FMNL2: variants seen among roughly 807,000 people sequenced by gnomAD.
FMNL2 encodes formin like 2, also known as formin-like protein 2.
A neutral mutation model predicts 130.2 loss-of-function variants in FMNL2; 51 were observed. The ratio of observed to expected loss-of-function variants is 0.39; its 90% confidence interval spans 0.31 to 0.49. The LOEUF is 0.49. FMNL2 is among the 20% of genes least tolerant of loss of function. The pLI is 0.85. For synonymous variants in FMNL2, 465 were observed against 467.1 expected (o/e 1.00, Z 0.06); for missense variants, 977 against 1,316.2 (o/e 0.74, Z 3.99).
At chr2:152,576,429 T>C (rs1696485188) in intron 7 of FMNL2, among the ~76,000 whole-genome samples, 1 of 152,220 alleles carries the variant, frequency 6.6e-6, no homozygotes, top group Non-Finnish European at 1.5e-5. Flanking sequence ...AATGCTTACA[T>C]GTTACACTTT....
At chr2:152,595,966 T>G (rs940582220) in intron 9 of FMNL2, among the ~76,000 whole-genome samples, 21 of 150,304 alleles carry the variant, frequency 1.4e-4, no homozygotes, top group Non-Finnish European at 2.7e-4. Context: ...GGAAGTCTTT[T>G]TTTTTTTTTT....
intron 7 of FMNL2, among the ~76,000 whole-genome samples, chr2:152,577,938 T>C (rs539572067): frequency 9.9e-5 from 15 of 152,264 alleles, no homozygotes; most frequent in East Asian, 7.7e-4. Context: ...GAGGTTTTTA[T>C]TGTTACTTAA....
chr2:152,354,074 A>ATC (rs1474054256), intron 1 of FMNL2, among the ~76,000 whole-genome samples: 1 of 152,202 alleles, frequency 6.6e-6, no homozygotes, highest in Admixed American at 6.6e-5. Context: ...CTTTCTAGAA[A>ATC]AAGAGACCCA....
At chr2:152,614,457 T>C (rs1698840437) in intron 11 of FMNL2, among the ~76,000 whole-genome samples, 1 of 152,122 alleles carries the variant, frequency 6.6e-6, no homozygotes, top group Admixed American at 6.5e-5. Context: ...AGAAAACACA[T>C]AGACTGGCTG....
chr2:152,401,242 T>C (rs13010632), intron 1 of FMNL2, among the ~76,000 whole-genome samples: 31,767 of 152,228 alleles, frequency 0.21, 3,445 homozygotes, highest in Middle Eastern at 0.34. Context: ...GAAGTCCCTA[T>C]GTAGTTCTTC....
intron 1 of FMNL2, among the ~76,000 whole-genome samples, chr2:152,400,600 C>T (rs944141904): frequency 6.6e-6 from 1 of 152,146 alleles, no homozygotes; most frequent in Non-Finnish European, 1.5e-5. Flanking sequence ...ATATTTCTAC[C>T]TACCTGTTTT....
intron 1 of FMNL2, among the ~76,000 whole-genome samples, chr2:152,344,187 T>C (rs1681976367): frequency 1.3e-5 from 2 of 152,130 alleles, no homozygotes; most frequent in African/African-American, 4.8e-5. Context: ...AACCCACAAA[T>C]GCCTGGGTTC....
chr2:152,448,216 A>C (rs56117902), intron 1 of FMNL2, among the ~76,000 whole-genome samples: 60,426 of 151,602 alleles, frequency 0.4, 14,390 homozygotes, highest in Non-Finnish European at 0.55. Context: ...AAAAAAAAAA[A>C]ACACATAATA....
intron 8 of FMNL2, among the ~76,000 whole-genome samples, chr2:152,580,049 C>A (rs759795589): frequency 1.3e-5 from 2 of 152,236 alleles, no homozygotes; most frequent in Non-Finnish European, 2.9e-5. Flanking sequence ...CCTGATTAAA[C>A]CTTTTGCGAC....
chr2:152,594,886 AG>A (rs1405054460), intron 9 of FMNL2, among the ~76,000 whole-genome samples: 4 of 152,304 alleles, frequency 2.6e-5, no homozygotes, highest in Non-Finnish European at 2.9e-5. Context: ...CACACTCACT[AG>A]AAGAAAATAG....
At chr2:152,428,295 G>T (rs1034856462) in intron 1 of FMNL2, among the ~76,000 whole-genome samples, 2 of 152,150 alleles carry the variant, frequency 1.3e-5, no homozygotes, top group African/African-American at 4.8e-5. Context: ...GATGTCTGTG[G>T]TTTAATGGCA....
intron 6 of FMNL2, among the ~76,000 whole-genome samples, chr2:152,566,756 T>A (rs984526450): frequency 1.3e-5 from 2 of 152,182 alleles, no homozygotes; most frequent in East Asian, 3.8e-4. Flanking sequence ...ATATGAAATG[T>A]CATGTGAGTG....
At chr2:152,361,224 G>T (rs1057285749) in intron 1 of FMNL2, among the ~76,000 whole-genome samples, 6 of 151,924 alleles carry the variant, frequency 3.9e-5, no homozygotes, top group African/African-American at 1.2e-4. Context: ...TGCATATGTT[G>T]TGAGAACTTG....
In FMNL2 at chr2:152,335,628, T is replaced by C; in HGVS notation, c.25T>C (p.Ser9Pro). Residue 9 changes from serine (S) to proline (P), a missense_variant, in exon 1 of 26, where the codon TCG becomes CCG. By Grantham distance (74) the Ser-to-Pro change is moderately conservative. This residue lies in a region of FMNL2 where 117 missense variants were observed against 134.9 expected (regional missense o/e 0.87). Transcript: ENST00000288670. ...CATGGGCAACGCAGGGAGCATGGAT[T>C]CGCAGCAGACCGATTTCAGGGCGCA... is the stretch of plus-strand genomic sequence containing the variant. MGNAGSMD[S>P]QQTDFRAHNV... 1.3e-6 allele frequency: 2 copies of C among 1,592,312 alleles called. No individual in the cohort carries two copies. The highest frequency in any genetic ancestry group is 1.7e-6 in the Non-Finnish European group (2 of 1,169,314).
intron 6 of FMNL2, among the ~76,000 whole-genome samples, chr2:152,565,910 G>C (rs1337558718): frequency 6.6e-6 from 1 of 152,070 alleles, no homozygotes; most frequent in Non-Finnish European, 1.5e-5. Context: ...ATCCCAAGTA[G>C]TTGGGCCTAC....
chr2:152,543,028 A>C (rs904688766), intron 3 of FMNL2, among the ~76,000 whole-genome samples: 2 of 152,212 alleles, frequency 1.3e-5, no homozygotes, highest in South Asian at 2.1e-4. Context: ...CTTTCCTGAC[A>C]TGAGAGTCAC....
At chr2:152,415,719 A>G (rs1049268263) in intron 1 of FMNL2, among the ~76,000 whole-genome samples, 2 of 152,196 alleles carry the variant, frequency 1.3e-5, no homozygotes, top group South Asian at 4.1e-4. Flanking sequence ...TGTGGGCTCC[A>G]TGCTATGCCA....
At chr2:152,617,307 T>G (rs1699007563) in intron 13 of FMNL2, 115 bp downstream of exon 13, 2 of 927,818 alleles carry the variant, frequency 2.2e-6, no homozygotes, top group South Asian at 1.6e-5. Flanking sequence ...TGCAGCATAT[T>G]TATTGGAAAC....
chr2:152,538,427 G>A (rs537321799), intron 2 of FMNL2, among the ~76,000 whole-genome samples: 49 of 152,100 alleles, frequency 3.2e-4, no homozygotes, highest in African/African-American at 1.0e-3. Context: ...TTACAGGCAC[G>A]CGCCACCACG....
Sources: allele counts gnomAD v4.1 joint callset (sites outside exome capture counted in the v4.1 genomes callset), GRCh38; gene constraint gnomAD v4.1.1; regional missense constraint gnomAD v4.1.1; transcripts MANE v1.5; gene names NCBI Gene and HGNC (gene_info 2026-07-23, HGNC 2026-07-21).